The following PIGN variants were observed in gnomAD, a reference collection of about 807,000 sequenced individuals.
The protein encoded by PIGN is GPI ethanolamine phosphate transferase 1.
In PIGN, 117 loss-of-function variants were observed where a neutral mutation model predicts 125.4. That is an observed-to-expected ratio of 0.93 (90% CI 0.80 to 1.09). The LOEUF is 1.09. PIGN is among the 50% of genes least tolerant of loss of function. The pLI is 0.00. For synonymous variants in PIGN, 392 were observed against 377.8 expected (o/e 1.04, Z -0.44); for missense variants, 1,075 against 1,094.9 (o/e 0.98, Z 0.26).
chr18:62,069,554 C>T (rs2145635416), intron 30 of PIGN: 1 of 152,258 alleles, frequency 6.6e-6, no homozygotes, highest in Middle Eastern at 3.4e-3. Flanking sequence ...TATACATGAA[C>T]CTTGACGATA....
rs1029293505 is a variant in PIGN at position 62,105,705 on chromosome 18, A to G, written c.1768-71T>C. On this transcript the variant is annotated intron_variant, in intron 19 of 30. Coordinates refer to ENST00000640252, the MANE Select transcript of PIGN (RefSeq NM_176787.5). Reference sequence around the variant, plus strand: ...AACTATCATTAGTGTTTCACAGACTATATGACTGTGAAGGTAAAAGGAAAA... The same window carrying G: ...AACTATCATTAGTGTTTCACAGACTGTATGACTGTGAAGGTAAAAGGAAAA... 7 of 788,000 alleles carry G rather than the reference A, an allele frequency of 8.9e-6. No homozygotes were observed. The Admixed American group carries it at 1.4e-4, about 16-fold the overall frequency. 48.8% of individuals were successfully genotyped at this position (788,000 alleles called of 1,614,324 possible).
chr18:62,151,926 T>C (rs1441780558), intron 7 of PIGN, among the ~76,000 whole-genome samples: 2 of 152,132 alleles, frequency 1.3e-5, no homozygotes, highest in African/African-American at 4.8e-5. Flanking sequence ...TTTGAAGAGA[T>C]TTATTCTGAG....
intron 30 of PIGN, chr18:62,059,194 A>AAG (rs1342445580): frequency 3.4e-5 from 5 of 146,450 alleles, no homozygotes; most frequent in Admixed American, 6.7e-5. Context: ...AAAAAAAAAA[A>AAG]AAAACACTGG....
In PIGN at chr18:62,062,882, C is replaced by CTTTTTTTTTTT. The variant is rs71160811; in HGVS notation, c.2672+9780_2672+9790dup. 7.1e-4 allele frequency among the ~76,000 whole-genome samples: 15 copies of CTTTTTTTTTTT among 21,064 alleles called. 2 individuals carry two copies. The highest frequency in any genetic ancestry group is 1.2e-3 in the African/African-American group (5 of 4,106). The allele number at this position is 21,064 out of a possible 152,430, so 13.8% of individuals were successfully genotyped here. A position where few individuals can be genotyped will look rare whatever the true frequency, so the allele number is the denominator to read the frequency against. ...ATTTGTTTTATGCTTTTGTATTCTG[C>CTTTTTTTTTTT]TTTTTTTTTTTTTTTTTTTTTTTTT... On this transcript the variant is annotated intron_variant, in intron 30 of 30. Transcript: ENST00000640252.
intron 30 of PIGN, chr18:62,070,499 G>C: frequency 2.5e-6 from 1 of 398,520 alleles, no homozygotes; most frequent in Non-Finnish European, 4.4e-6. Flanking sequence ...GTACATGCCA[G>C]GAGTTGCCTA....
rs2030574043 is a variant in PIGN, at chr18:62,045,200, C to T, written c.*656G>A. The T allele has an allele frequency of 6.6e-6, 1 of 151,074 alleles. No individual in the cohort carries two copies. Among genetic ancestry groups the T allele is most frequent in the South Asian group, 2.1e-4 (1 of 4,800 alleles). The allele number at this position is 151,074 out of a possible 1,614,324, so 9.4% of individuals were successfully genotyped here. ...TTCTACTTTTGTGTTGTCAGAAATC[C>T]CAGGAAAATCCAGAAATGAAAAAAA... On this transcript the variant is annotated 3_prime_UTR_variant, in exon 31 of 31. Coordinates refer to ENST00000640252, the MANE Select transcript of PIGN (RefSeq NM_176787.5).
intron 25 of PIGN, among the ~76,000 whole-genome samples, chr18:62,087,682 G>A (rs2146021188): frequency 6.6e-6 from 1 of 152,284 alleles, no homozygotes; most frequent in South Asian, 2.1e-4. Flanking sequence ...TTTATTTCCT[G>A]TACCTGAGGT....
intron 14 of PIGN, among the ~76,000 whole-genome samples, chr18:62,117,375 C>T (rs1245519481): frequency 6.6e-6 from 1 of 151,726 alleles, no homozygotes; most frequent in Non-Finnish European, 1.5e-5. Flanking sequence ...TGGGGGTTGG[C>T]AGAGGAGTAA....
At chr18:62,054,404 CT>C (rs1270473985) in intron 30 of PIGN, among the ~76,000 whole-genome samples, 1 of 149,988 alleles carries the variant, frequency 6.7e-6, no homozygotes, top group Non-Finnish European at 1.5e-5. Flanking sequence ...GTGAAGGGCC[CT>C]GTTAAGAGGG....
In PIGN at chr18:62,102,855, G is replaced by A. The variant is rs2034498822; in HGVS notation, c.1907C>T (p.Thr636Ile). 5.7e-6 allele frequency: 9 copies of A among 1,587,586 alleles called. No homozygotes were observed. In the South Asian group the frequency reaches 6.9e-5, roughly 12 times the overall value. ...LVLLLSLCVV[T>I]SLMKRKDSFI... is the part of the protein sequence containing the mutation. ...GCTATCTTTTCTTTTCATGAGAGAT[G>A]TTACAACACACAGGGATAACAGAAG... The change falls in exon 21 of 31, where the codon ACA (threonine) becomes ATA (isoleucine). Residue 636 changes from threonine (T) to isoleucine (I), a missense_variant. Coordinates refer to ENST00000640252, the MANE Select transcript of PIGN (RefSeq NM_176787.5).
chr18:62,151,394 C>T (rs989863266), intron 7 of PIGN, among the ~76,000 whole-genome samples: 7 of 152,176 alleles, frequency 4.6e-5, no homozygotes, highest in Admixed American at 1.3e-4. Flanking sequence ...CAGAGAGATG[C>T]AACTTCTCAG....
At chr18:62,063,486 T>G (rs2032321327) in intron 30 of PIGN, among the ~76,000 whole-genome samples, 1 of 149,746 alleles carries the variant, frequency 6.7e-6, no homozygotes, top group Non-Finnish European at 1.5e-5. Context: ...TTATAGATTT[T>G]AGCCAAAATC....
At chr18:62,066,511 CA>C (rs1357870080) in intron 30 of PIGN, among the ~76,000 whole-genome samples, 1 of 152,148 alleles carries the variant, frequency 6.6e-6, no homozygotes, top group African/African-American at 2.4e-5. Context: ...GATGTGTGAC[CA>C]GGGGCAATCC....
intron 1 of PIGN, among the ~76,000 whole-genome samples, chr18:62,170,698 T>C (rs912476254): frequency 4.6e-5 from 7 of 152,136 alleles, no homozygotes; most frequent in African/African-American, 1.7e-4. Flanking sequence ...ACTCAAAAGT[T>C]AGAGATGATT....
chr18:62,139,350 G>C (rs1302726307), intron 12 of PIGN, among the ~76,000 whole-genome samples: 1 of 152,198 alleles, frequency 6.6e-6, no homozygotes, highest in Non-Finnish European at 1.5e-5. Flanking sequence ...GTAGTGAACT[G>C]AGTGCTTCAC....
intron 23 of PIGN, among the ~76,000 whole-genome samples, chr18:62,027,886 G>T (rs2030144141): frequency 6.6e-6 from 1 of 151,724 alleles, no homozygotes; most frequent in African/African-American, 2.4e-5. Flanking sequence ...CAGCCTGAGT[G>T]ATAGAATGAG....
At chr18:62,091,176 G>A (rs2033939938) in intron 23 of PIGN, among the ~76,000 whole-genome samples, 1 of 152,050 alleles carries the variant, frequency 6.6e-6, no homozygotes, top group Admixed American at 6.6e-5. Flanking sequence ...GTGAAACCCT[G>A]TCTCTACTAA....
At chr18:62,088,905 G>C in intron 24 of PIGN, 63 bp from the exon 25 acceptor site, 2 of 927,764 alleles carry the variant, frequency 2.2e-6, no homozygotes, top group South Asian at 3.0e-5. Flanking sequence ...ATATTTGAAG[G>C]CAAACTTACA....
Position 62,138,262 on chromosome 18 carries a change from A to G in PIGN, c.1153T>C (p.Phe385Leu), listed in dbSNP as rs1282148959. The change falls in exon 14 of 31, where the codon TTT becomes CTT. Residue 385 changes from phenylalanine to leucine, a missense_variant. Coordinates refer to ENST00000640252, the MANE Select transcript of PIGN (RefSeq NM_176787.5). ...MTQKKEVTLP[F>L]LFTPFKLLSD... ...ACTTACTTAAATGGTGTAAACAAAA[A>G]TGGTAAAGTAACTTCTTTCTTCTGA... 1 of 1,548,116 alleles carries G rather than the reference A, an allele frequency of 6.5e-7. No homozygotes were observed.
Sources: gnomAD v4.1 joint callset for allele counts (sites outside exome capture counted in the v4.1 genomes callset) on GRCh38, gnomAD v4.1.1 for gene constraint, MANE v1.5 for transcripts, NCBI Gene and HGNC (gene_info 2026-07-23, HGNC 2026-07-21) for gene names.